SYDE2: variants seen among roughly 807,000 people sequenced by gnomAD.
The protein encoded by SYDE2 is rho GTPase-activating protein SYDE2.
In SYDE2, 76 loss-of-function variants were observed where a neutral mutation model predicts 91.5. The observed-to-expected ratio is 0.83, with a 90% CI of 0.69 to 1.01. SYDE2 has a LOEUF of 1.01. Ranked by LOEUF, SYDE2 falls within the 50% of genes least tolerant of loss-of-function variation. SYDE2 has a pLI of 0.00. For synonymous variants in SYDE2, 513 were observed against 506.4 expected (o/e 1.01, Z -0.18); for missense variants, 1,364 against 1,367.7 (o/e 1.00, Z 0.04).
chr1:85,167,611 C>T (rs817425), intron 5 of SYDE2, among the ~76,000 whole-genome samples: 11,735 of 152,130 alleles, frequency 0.077, 517 homozygotes, highest in Middle Eastern at 0.13. Flanking sequence ...CCACCATGCC[C>T]GGCTAATTTT....
At chr1:85,161,960 C>A (rs1052353918) in intron 6 of SYDE2, among the ~76,000 whole-genome samples, 1 of 151,988 alleles carries the variant, frequency 6.6e-6, no homozygotes, top group South Asian at 2.1e-4. Flanking sequence ...CATTTTGTTC[C>A]CCCATCCCTT....
chr1:85,200,569 T>A lies in SYDE2; in HGVS notation c.428A>T (p.Gln143Leu). Residue 143 changes from glutamine (Q) to leucine (L), a missense_variant, in exon 1 of 7, where the codon CAG (glutamine) becomes CTG (leucine). Transcript: ENST00000341460. Reference protein sequence around the residue: ...RARAAAPTGLQPPGCKDHGCS... With the variant: ...RARAAAPTGLLPPGCKDHGCS... ...GCCGTGGTCCTTGCAGCCTGGAGGCTGGAGGCCGGTGGGTGCAGCCGCCCG... is the reference window on the plus strand; with the variant it reads ...GCCGTGGTCCTTGCAGCCTGGAGGCAGGAGGCCGGTGGGTGCAGCCGCCCG... The A allele has an allele frequency of 6.3e-7, 1 of 1,598,678 alleles. No individual in the cohort carries two copies. The highest frequency in any genetic ancestry group is 8.5e-7 in the Non-Finnish European group (1 of 1,174,658).
In SYDE2 at chr1:85,190,340, G is replaced by A. The variant is rs1238394629; in HGVS notation, c.1158C>T (p.Ala386=). Residue 386 remains alanine, a synonymous_variant, in exon 2 of 7, where the codon GCC becomes GCT. Transcript: ENST00000341460. ...PEDDDLGISS[A]LSFGEADSAV... ...CAGAGTCGGCCTCACCAAAACTCAAGGCACTTGATATACCAAGGTCATCAT... is the reference window on the plus strand; with the variant it reads ...CAGAGTCGGCCTCACCAAAACTCAAAGCACTTGATATACCAAGGTCATCAT... 1.2e-6 allele frequency: 2 copies of A among 1,613,914 alleles called. No homozygotes were observed. Among genetic ancestry groups the A allele is most frequent in the Admixed American group, 3.3e-5 (2 of 60,014 alleles).
intron 1 of SYDE2, among the ~76,000 whole-genome samples, chr1:85,198,083 A>C (rs1658664170): frequency 6.6e-6 from 1 of 152,176 alleles, no homozygotes; most frequent in Non-Finnish European, 1.5e-5. Flanking sequence ...CAAGCAATTT[A>C]ATAGAATTAA....
At chr1:85,181,228 T>G (rs994282177) in intron 3 of SYDE2, 1 of 146,612 alleles carries the variant, frequency 6.8e-6, no homozygotes, top group East Asian at 2.1e-4. Flanking sequence ...CTGGGCTCAC[T>G]GTAATGTCCA....
chr1:85,160,078 A>T, intron 6 of SYDE2: 1 of 984,484 alleles, frequency 1.0e-6, no homozygotes, highest in Non-Finnish European at 1.2e-6. Flanking sequence ...CTGTATATAA[A>T]ATAGACAATT....
In SYDE2 at chr1:85,177,732, CTA is replaced by C; in HGVS notation, c.2671+412_2671+413del. Among the ~76,000 whole-genome samples, 4 of 152,296 alleles carry C rather than the reference CTA, an allele frequency of 2.6e-5. 1 individual carries two copies. Among genetic ancestry groups the C allele is most frequent in the Admixed American group, 2.6e-4 (4 of 15,284 alleles). ...AGATTAATATTCCTGAAAATAATCT[CTA>C]TGATATCACTCCCCCACTCAAAAAA... On this transcript the variant is annotated intron_variant, in intron 4 of 6. Transcript: ENST00000341460.
chr1:85,181,078 C>G (rs1402581179), intron 3 of SYDE2: 1 of 148,900 alleles, frequency 6.7e-6, no homozygotes, highest in Admixed American at 6.7e-5. Flanking sequence ...ACTGGGGGGC[C>G]TGAAGAGGGG....
Position 85,200,814 on chromosome 1 carries a change from C to T in SYDE2, c.183G>A (p.Pro61=), listed in dbSNP as rs1658803011. 5.6e-6 allele frequency: 8 copies of T among 1,435,924 alleles called. No individual in the cohort carries two copies. The highest frequency in any genetic ancestry group is 7.3e-6 in the Non-Finnish European group (8 of 1,102,670). The allele number at this position is 1,435,924 out of a possible 1,614,324, so 88.9% of individuals were successfully genotyped here. The change falls in exon 1 of 7, where the codon CCG becomes CCA. Residue 61 remains proline, a synonymous_variant. Transcript: ENST00000341460. ...GGGRPRQQVS[P]PRSPQREPRG... is the part of the protein sequence containing the mutation. ...GCGGCTCCCTCTGAGGCGACCGGGG[C>T]GGGGACACCTGCTGCCGAGGGCGTC...
chr1:85,198,328 A>G (rs542828927), intron 1 of SYDE2, among the ~76,000 whole-genome samples: 1 of 152,296 alleles, frequency 6.6e-6, no homozygotes, highest in African/African-American at 2.4e-5. Context: ...AGAACCACCT[A>G]ATGTATCCAG....
At chr1:85,163,972 A>G (rs1657171269) in intron 6 of SYDE2, among the ~76,000 whole-genome samples, 1 of 152,196 alleles carries the variant, frequency 6.6e-6, no homozygotes, top group African/African-American at 2.4e-5. Flanking sequence ...GTAATTCCCA[A>G]TTTAAGCTGA....
chr1:85,155,009 C>CAAAAAAAAAAAAAAAA, downstream of SYDE2, among the ~76,000 whole-genome samples: 2 of 80,662 alleles, frequency 2.5e-5, no homozygotes, highest in Non-Finnish European at 4.6e-5. Flanking sequence ...AAGAATGCAG[C>CAAAAAAAAAAAAAAAA]AAAAAAAAAA....
At chr1:85,189,061 C>T (rs58246117) in intron 2 of SYDE2, among the ~76,000 whole-genome samples, 7,180 of 152,218 alleles carry the variant, frequency 0.047, 260 homozygotes, top group East Asian at 0.17. Context: ...CTAAAAGAAG[C>T]ACATCAGAAA....
At position 85,200,644 on chromosome 1, in the gene SYDE2, T is replaced by C. The variant is rs817456; in HGVS notation, c.353A>G (p.Glu118Gly). The change falls in exon 1 of 7, where the codon GAG becomes GGG. Residue 118 changes from glutamate (E) to glycine (G), a missense_variant. Transcript: ENST00000341460. ...CATCCTGCCTCCACGTGGCGGGGGC[T>C]CGTCCCAGTCCCGGTGCGCGCCGCA... Reference protein sequence around the residue: ...IRCGAHRDWDEPPPRGGRMDG... With the variant: ...IRCGAHRDWDGPPPRGGRMDG... 0.08 allele frequency: 124,052 copies of C among 1,542,064 alleles called. 5,664 individuals are homozygous for C. The highest frequency in any genetic ancestry group is 0.1 in the Middle Eastern group (555 of 5,560).
In SYDE2 at chr1:85,182,340, T is replaced by A. The variant is rs1171303646; in HGVS notation, c.2302A>T (p.Thr768Ser). 1.2e-6 allele frequency: 2 copies of A among 1,613,758 alleles called. No homozygotes were observed. The highest frequency in any genetic ancestry group is 1.7e-6 in the Non-Finnish European group (2 of 1,179,848). Residue 768 changes from threonine to serine, a missense_variant, in exon 3 of 7, where the codon ACC (threonine) becomes TCC (serine). By Grantham distance (58) the Thr-to-Ser change is moderately conservative (BLOSUM62 1). Transcript: ENST00000341460. ...VCCHGTVVLP[T>S]LFRVTKTHQL... ...TGAGTCTTTGTCACTCTAAATAAGG[T>A]GGGAAGAACAACAGTTCCATGACAA...
chr1:85,167,765 G>A (rs1443169677), intron 5 of SYDE2, among the ~76,000 whole-genome samples: 4 of 152,104 alleles, frequency 2.6e-5, no homozygotes, highest in East Asian at 3.8e-4. Flanking sequence ...TGTAACTTTC[G>A]GCAAGTGATT....
downstream of SYDE2, chr1:85,154,347 CAGTT>C (rs1333982684): frequency 2.8e-5 from 4 of 144,696 alleles, no homozygotes; most frequent in Non-Finnish European, 6.0e-5. Context: ...ATTTTCCAGA[CAGTT>C]ATTTATTTTT....
intron 2 of SYDE2, among the ~76,000 whole-genome samples, chr1:85,185,025 G>C (rs1658077419): frequency 6.6e-6 from 1 of 151,584 alleles, no homozygotes; most frequent in Non-Finnish European, 1.5e-5. Flanking sequence ...TTTCTCAACA[G>C]CTTTCTGCCA....
intron 1 of SYDE2, among the ~76,000 whole-genome samples, chr1:85,197,883 T>G (rs1658653652): frequency 6.6e-6 from 1 of 152,082 alleles, no homozygotes; most frequent in Non-Finnish European, 1.5e-5. Context: ...CTCGATCTCC[T>G]GACCTCGTGA....
Sources: allele counts gnomAD v4.1 joint callset (sites outside exome capture counted in the v4.1 genomes callset), GRCh38; gene constraint gnomAD v4.1.1; transcripts MANE v1.5; gene names NCBI Gene and HGNC (gene_info 2026-07-23, HGNC 2026-07-21).